The following NLGN1 variants were observed in gnomAD, a reference collection of about 807,000 sequenced individuals.
The protein encoded by NLGN1 is neuroligin 1.
In NLGN1, 12 loss-of-function variants were observed where a neutral mutation model predicts 65.5. The ratio of observed to expected loss-of-function variants is 0.18; its 90% CI spans 0.12 to 0.30. The LOEUF (loss-of-function observed/expected upper bound fraction) is 0.30, where lower values mean the gene tolerates loss of function less well. Ranked by LOEUF, NLGN1 falls within the 10% of genes least tolerant of loss-of-function variation. The probability of loss-of-function intolerance (pLI) is 1.00; values close to 1 mark genes in which losing one functional copy is unlikely to be tolerated. For missense variants in NLGN1, 750 were observed against 1,007.1 expected (o/e 0.74, Z 3.46); for synonymous variants, 350 against 359.5 (o/e 0.97, Z 0.30).
intron 2 of NLGN1, among the ~76,000 whole-genome samples, chr3:173,441,629 G>A (rs1454390537): frequency 1.3e-5 from 2 of 152,118 alleles, no homozygotes; most frequent in Non-Finnish European, 2.9e-5. Flanking sequence ...CATCTTTGTG[G>A]ATGGGGTTTC....
intron 4 of NLGN1, among the ~76,000 whole-genome samples, chr3:173,970,483 AG>A (rs1399414623): frequency 6.6e-6 from 1 of 152,054 alleles, no homozygotes; most frequent in Non-Finnish European, 1.5e-5. Flanking sequence ...ATGGGTAGGT[AG>A]GAGTAGATTA....
At chr3:173,974,164 G>A (rs1284225447) in intron 4 of NLGN1, among the ~76,000 whole-genome samples, 4 of 151,266 alleles carry the variant, frequency 2.6e-5, no homozygotes, top group African/African-American at 9.7e-5. Context: ...TTAGGATTAA[G>A]AAGGGCTGAA....
At chr3:173,961,989 T>C (rs1473414119) in intron 4 of NLGN1, among the ~76,000 whole-genome samples, 2 of 151,992 alleles carry the variant, frequency 1.3e-5, no homozygotes, top group East Asian at 3.9e-4. Flanking sequence ...TGCTGGTCTC[T>C]AAGTAGAAAG....
At chr3:173,491,035 T>C (rs1576948085) in intron 2 of NLGN1, among the ~76,000 whole-genome samples, 1 of 151,904 alleles carries the variant, frequency 6.6e-6, no homozygotes, top group East Asian at 1.9e-4. Context: ...TCATGTCATC[T>C]GCAAACAGGG....
chr3:174,165,228 G>C (rs1727279710), intron 4 of NLGN1, among the ~76,000 whole-genome samples: 1 of 151,782 alleles, frequency 6.6e-6, no homozygotes, highest in African/African-American at 2.4e-5. Context: ...AGCATTTCCA[G>C]TACTATATTG....
At chr3:173,739,458 AG>A (rs1774291035) in intron 3 of NLGN1, among the ~76,000 whole-genome samples, 1 of 152,096 alleles carries the variant, frequency 6.6e-6, no homozygotes, top group Non-Finnish European at 1.5e-5. Context: ...GGAAAACAAA[AG>A]GAAACATTGC....
At chr3:174,102,160 T>G (rs17261458) in intron 4 of NLGN1, among the ~76,000 whole-genome samples, 5,013 of 152,254 alleles carry the variant, frequency 0.033, 138 homozygotes, top group South Asian at 0.071. Flanking sequence ...CACTGACAAA[T>G]GTACTGCTGA....
At chr3:174,270,240 G>T (rs768760287) in intron 4 of NLGN1, among the ~76,000 whole-genome samples, 2 of 144,526 alleles carry the variant, frequency 1.4e-5, no homozygotes, top group South Asian at 2.2e-4. Context: ...TTGCCACATC[G>T]AATTTCCTGA....
At chr3:174,029,203 C>T (rs1043093616) in intron 4 of NLGN1, among the ~76,000 whole-genome samples, 2 of 152,190 alleles carry the variant, frequency 1.3e-5, no homozygotes, top group African/African-American at 4.8e-5. Flanking sequence ...AAGCTGCAGA[C>T]ACTCAACATC....
At chr3:173,635,802 G>A (rs1000601092) in intron 3 of NLGN1, among the ~76,000 whole-genome samples, 2 of 151,988 alleles carry the variant, frequency 1.3e-5, no homozygotes, top group Non-Finnish European at 2.9e-5. Context: ...TATGTCTATG[G>A]GGACTTAAGT....
Position 173,867,016 on chromosome 3 carries a change from T to C in NLGN1, c.646+59184T>C, listed in dbSNP as rs193173585. ...GAATGTGTATGGCTTAAAACAGCCA[T>C]AAACGGCATAGTACTATTTTCCAAC... is the stretch of plus-strand genomic sequence containing the variant. On this transcript the variant is annotated intron_variant, in intron 4 of 6. Transcript: ENST00000457714. 2.0e-3 allele frequency among the ~76,000 whole-genome samples: 304 copies of C among 152,298 alleles called. 1 individual carries two copies. Among genetic ancestry groups the C allele is most frequent in the African/African-American group, 7.0e-3 (290 of 41,564 alleles).
chr3:173,421,088 C>T (rs34976914), intron 1 of NLGN1, among the ~76,000 whole-genome samples: 51,758 of 151,896 alleles, frequency 0.34, 9,877 homozygotes, highest in African/African-American at 0.51. Context: ...AATAATAATA[C>T]AATTGTTATA....
At chr3:173,843,158 A>T (rs1484321997) in intron 4 of NLGN1, among the ~76,000 whole-genome samples, 1 of 152,166 alleles carries the variant, frequency 6.6e-6, no homozygotes, top group Non-Finnish European at 1.5e-5. Flanking sequence ...TTTCAGACAC[A>T]GCTTGAGTGG....
chr3:173,903,577 G>A (rs960459488), intron 4 of NLGN1, among the ~76,000 whole-genome samples: 2 of 152,136 alleles, frequency 1.3e-5, no homozygotes, highest in African/African-American at 4.8e-5. Context: ...GATGGAAGCT[G>A]CAGATTGGGA....
intron 3 of NLGN1, among the ~76,000 whole-genome samples, chr3:173,682,317 C>T (rs758837376): frequency 1.3e-5 from 2 of 151,894 alleles, no homozygotes; most frequent in Admixed American, 6.6e-5. Context: ...TGGCTGGGCA[C>T]GGTGGCTCAC....
At chr3:174,049,560 C>T (rs1734359658) in intron 4 of NLGN1, among the ~76,000 whole-genome samples, 1 of 152,054 alleles carries the variant, frequency 6.6e-6, no homozygotes, top group Admixed American at 6.6e-5. Flanking sequence ...TGTGTAACTA[C>T]TGGCAAATAA....
chr3:174,081,432 A>G (rs1282705908), intron 4 of NLGN1, among the ~76,000 whole-genome samples: 1 of 152,004 alleles, frequency 6.6e-6, no homozygotes, highest in Non-Finnish European at 1.5e-5. Flanking sequence ...TGTTACATAT[A>G]AGGTGTCTTC....
chr3:173,733,919 T>C (rs1488562), intron 3 of NLGN1, among the ~76,000 whole-genome samples: 33,245 of 152,004 alleles, frequency 0.22, 3,719 homozygotes, highest in Admixed American at 0.25. Flanking sequence ...TTAGATGTAC[T>C]AAATCTAGTG....
chr3:173,408,808 A>C (rs1711854797), intron 1 of NLGN1, among the ~76,000 whole-genome samples: 2 of 151,376 alleles, frequency 1.3e-5, no homozygotes. Flanking sequence ...GCTACTTGGG[A>C]GGCTGAGGCA....
Sources: allele counts gnomAD v4.1 joint callset (sites outside exome capture counted in the v4.1 genomes callset), GRCh38; gene constraint gnomAD v4.1.1; transcripts MANE v1.5; gene names NCBI Gene and HGNC (gene_info 2026-07-23, HGNC 2026-07-21).